OLFM4: variants seen among roughly 807,000 people sequenced by gnomAD.
OLFM4 encodes olfactomedin 4.
In OLFM4, 22 loss-of-function variants were observed where a neutral mutation model predicts 25.5. The ratio of observed to expected loss-of-function variants is 0.86; its 90% CI spans 0.62 to 1.23. The LOEUF (loss-of-function observed/expected upper bound fraction) is 1.23. Among genes scored for constraint, OLFM4 ranks in the 50% most tolerant of loss-of-function variants. The pLI, the probability that OLFM4 is intolerant of heterozygous loss-of-function variation, is 0.00. For synonymous variants in OLFM4, 255 were observed against 237.7 expected (o/e 1.07, Z -0.67); for missense variants, 594 against 619.4 (o/e 0.96, Z 0.44).
At position 53,041,985 on chromosome 13, in the gene OLFM4, G is replaced by C. The variant is rs778334824; in HGVS notation, c.433G>C (p.Glu145Gln). 1 of 1,613,964 alleles carries C rather than the reference G, an allele frequency of 6.2e-7. No individual in the cohort carries two copies. Among genetic ancestry groups the C allele is most frequent in the Non-Finnish European group, 8.5e-7 (1 of 1,179,894 alleles). Reference protein sequence around the residue: ...LNLTVRIDIMEKDTISYTELD... With the variant: ...LNLTVRIDIMQKDTISYTELD... ...CCTAACTGTCCGAATTGACATCATG[G>C]AGAAGGATACCATTTCTTACACTGA... is the stretch of plus-strand genomic sequence containing the variant. The change falls in exon 3 of 5, where the codon GAG becomes CAG. Residue 145 changes from glutamate (E) to glutamine (Q), a missense_variant. Physicochemically the swap from Glu to Gln is conservative, Grantham distance 29 (BLOSUM62 2). Coordinates refer to ENST00000219022, the MANE Select transcript of OLFM4 (RefSeq NM_006418.5).
chr13:53,046,034 A>T (rs74086440), intron 4 of OLFM4, among the ~76,000 whole-genome samples: 7,318 of 152,194 alleles, frequency 0.048, 579 homozygotes, highest in African/African-American at 0.17. Context: ...ATGGGGTCTG[A>T]AAGAAATGGG....
chr13:53,031,441 C>A (rs1268026911), intron 1 of OLFM4, among the ~76,000 whole-genome samples: 1 of 152,192 alleles, frequency 6.6e-6, no homozygotes, highest in African/African-American at 2.4e-5. Flanking sequence ...AACATTAAAT[C>A]ACCTTAAATG....
intron 1 of OLFM4, among the ~76,000 whole-genome samples, chr13:53,032,788 T>C (rs539942821): frequency 6.6e-6 from 1 of 152,264 alleles, no homozygotes; most frequent in South Asian, 2.1e-4. Context: ...GCAAAAGCCT[T>C]GATTGGCCCC....
Position 53,050,219 on chromosome 13 carries a change from A to G in OLFM4, c.981A>G (p.Gln327=). ...GAGAGTTGCGGATCACCTATGGCCA[A>G]GGTAGTGGTACAGCAGTTTACAACA... The part of the protein sequence containing the change: ...NARELRITYG[Q]GSGTAVYNNN... The change falls in exon 5 of 5, where the codon CAA becomes CAG. Residue 327 remains glutamine, a synonymous_variant. Coordinates refer to ENST00000219022, the MANE Select transcript of OLFM4 (RefSeq NM_006418.5). 6.2e-7 allele frequency: 1 copy of G among 1,614,066 alleles called. No homozygotes were observed. Among genetic ancestry groups the G allele is most frequent in the Admixed American group, 1.7e-5 (1 of 59,998 alleles).
intron 1 of OLFM4, among the ~76,000 whole-genome samples, chr13:53,034,125 G>A (rs1954644598): frequency 1.3e-5 from 2 of 151,562 alleles, no homozygotes; most frequent in African/African-American, 4.9e-5. Flanking sequence ...GTCTGCTGGC[G>A]TAGTGGTTTT....
intron 3 of OLFM4, 24 bp from the exon 4 acceptor site, chr13:53,043,081 C>CCTT: frequency 6.4e-7 from 1 of 1,556,940 alleles, no homozygotes; most frequent in Non-Finnish European, 8.7e-7. Flanking sequence ...AATATAAAGT[C>CCTT]ACTCTGAATT....
intron 1 of OLFM4, among the ~76,000 whole-genome samples, chr13:53,030,451 C>T (rs572016196): frequency 2.0e-5 from 3 of 152,138 alleles, no homozygotes; most frequent in South Asian, 2.1e-4. Context: ...TACAGGCACC[C>T]GCCACCACGC....
In OLFM4 at chr13:53,051,963, T is replaced by C. The variant is rs2138245442; in HGVS notation, c.*1192T>C. ...TTTATCATCTAGTCTTTGTCTATTT[T>C]TCCTTTGATGTTCAAGTCCTAGTCT... is the stretch of plus-strand genomic sequence containing the variant. On this transcript the variant is annotated 3_prime_UTR_variant, in exon 5 of 5. Transcript: ENST00000219022. 6.6e-6 allele frequency: 1 copy of C among 152,346 alleles called. No individual in the cohort carries two copies. The highest frequency in any genetic ancestry group is 1.5e-5 in the Non-Finnish European group (1 of 68,032). The allele number at this position is 152,346 out of a possible 1,614,324, so 9.4% of individuals were successfully genotyped here. A position where few individuals can be genotyped will look rare whatever the true frequency, so the allele number is the denominator to read the frequency against.
rs1227762146 is a variant in OLFM4 at position 53,051,662 on chromosome 13, A to T, written c.*891A>T. 1.3e-5 allele frequency: 2 copies of T among 152,106 alleles called. No homozygotes were observed. The highest frequency in any genetic ancestry group is 6.6e-5 in the Admixed American group (1 of 15,260). The allele number at this position is 152,106 out of a possible 1,614,324, so 9.4% of individuals were successfully genotyped here. ...TTCATTATGAACTTTTATTTACATG[A>T]CTCTAAGACTATAAGAAAATCTGAT... On this transcript the variant is annotated 3_prime_UTR_variant, in exon 5 of 5. Transcript: ENST00000219022.
At chr13:53,030,425 C>G (rs1954623053) in intron 1 of OLFM4, among the ~76,000 whole-genome samples, 1 of 152,156 alleles carries the variant, frequency 6.6e-6, no homozygotes, top group African/African-American at 2.4e-5. Flanking sequence ...ACCTCAGCCT[C>G]CTGAGTAGCT....
chr13:53,029,447 G>A (rs763665079), intron 1 of OLFM4, among the ~76,000 whole-genome samples: 9 of 152,204 alleles, frequency 5.9e-5, no homozygotes, highest in East Asian at 1.9e-4. Context: ...GATGGGAACT[G>A]TTAGGGAAAG....
chr13:53,031,563 A>G (rs753853854), intron 1 of OLFM4, among the ~76,000 whole-genome samples: 20 of 152,154 alleles, frequency 1.3e-4, no homozygotes, highest in Non-Finnish European at 1.9e-4. Context: ...AAAAGCCTCA[A>G]TGCTCACTCC....
intron 3 of OLFM4, among the ~76,000 whole-genome samples, chr13:53,042,470 C>A (rs1954692977): frequency 6.6e-6 from 1 of 152,168 alleles, no homozygotes; most frequent in Admixed American, 6.5e-5. Flanking sequence ...TAGATTTATC[C>A]TCATGGAACT....
intron 2 of OLFM4, among the ~76,000 whole-genome samples, chr13:53,040,574 C>T (rs77261791): frequency 0.015 from 2,300 of 152,264 alleles, 51 homozygotes; most frequent in African/African-American, 0.048. Flanking sequence ...GCCGTGGCAA[C>T]GATTTTGTCC....
chr13:53,036,177 A>G (rs1378492781), intron 2 of OLFM4, among the ~76,000 whole-genome samples: 4 of 152,216 alleles, frequency 2.6e-5, no homozygotes, highest in African/African-American at 7.2e-5. Flanking sequence ...GTGTTTGACT[A>G]CTCTAGAAAC....
chr13:53,034,098 A>C (rs1364181074), intron 1 of OLFM4, among the ~76,000 whole-genome samples: 2 of 150,480 alleles, frequency 1.3e-5, no homozygotes, highest in Non-Finnish European at 2.9e-5. Flanking sequence ...AGAATGGGGA[A>C]TCTTCCTTTA....
Position 53,043,265 on chromosome 13 carries a change from G to A in OLFM4, c.730+1G>A. 1 of 1,592,344 alleles carries A rather than the reference G, an allele frequency of 6.3e-7. No individual in the cohort carries two copies. The highest frequency in any genetic ancestry group is 8.5e-7 in the Non-Finnish European group (1 of 1,171,288). On this transcript the variant is annotated splice_donor_variant, in intron 4 of 4. Coordinates refer to ENST00000219022, the MANE Select transcript of OLFM4 (RefSeq NM_006418.5). LOFTEE classifies it high-confidence loss of function. ...GTCGTCCACCCTCCTCCCACTCCAG[G>A]TAAGCATGCCAGTTTTTTTAACCAC...
chr13:53,029,042 T>A lies in OLFM4; in HGVS notation c.204+2T>A, dbSNP rs1261720172. The A allele has an allele frequency of 2.9e-5, 47 of 1,613,822 alleles. No individual in the cohort carries two copies. Among genetic ancestry groups the A allele is most frequent in the African/African-American group, 4.0e-5 (3 of 74,922 alleles). ...GGCAGCGGAGGTTCTGTGTCCCAGGTGAGGAGGCCCCAGAATCTGAATGAG... is the reference window on the plus strand; with the variant it reads ...GGCAGCGGAGGTTCTGTGTCCCAGGAGAGGAGGCCCCAGAATCTGAATGAG... On this transcript the variant is annotated splice_donor_variant, in intron 1 of 4. Transcript: ENST00000219022. LOFTEE classifies it high-confidence loss of function.
intron 4 of OLFM4, among the ~76,000 whole-genome samples, chr13:53,045,710 A>G (rs1954712344): frequency 3.3e-5 from 5 of 152,182 alleles, no homozygotes; most frequent in Admixed American, 3.3e-4. Flanking sequence ...TTGCTGACCC[A>G]GTGGTCAGCT....
Sources: allele counts gnomAD v4.1 joint callset (sites outside exome capture counted in the v4.1 genomes callset), GRCh38; gene constraint gnomAD v4.1.1; transcripts MANE v1.5; gene names NCBI Gene and HGNC (gene_info 2026-07-23, HGNC 2026-07-21).